Variants in SUMF1 observed in about 807,000 individuals in gnomAD.
The protein encoded by SUMF1 is formylglycine-generating enzyme.
In SUMF1, 48 loss-of-function variants were observed where a neutral mutation model predicts 47.6. The observed-to-expected ratio is 1.01, with a 90% CI of 0.80 to 1.28. The LOEUF (loss-of-function observed/expected upper bound fraction) is 1.28, where lower values mean the gene tolerates loss of function less well. Among genes scored for constraint, SUMF1 ranks in the 50% most tolerant of loss-of-function variants. SUMF1 has a pLI of 0.00. For missense variants in SUMF1, 571 were observed against 485.4 expected, an observed-to-expected ratio of 1.18 and a Z score of -1.66; for synonymous variants, 230 against 192.1, an observed-to-expected ratio of 1.20 and a Z score of -1.63.
chr3:4,391,742 A>G (rs558387729), intron 7 of SUMF1, among the ~76,000 whole-genome samples: 1 of 152,144 alleles, frequency 6.6e-6, no homozygotes, highest in East Asian at 1.9e-4. Context: ...CACAGCCTCC[A>G]AAAGTATTGG....
intron 8 of SUMF1, among the ~76,000 whole-genome samples, chr3:4,220,899 C>A (rs1696045646): frequency 6.6e-6 from 1 of 152,116 alleles, no homozygotes; most frequent in South Asian, 2.1e-4. Flanking sequence ...TTACTTGGTT[C>A]ATTTGAGTTC....
intron 8 of SUMF1, among the ~76,000 whole-genome samples, chr3:4,271,318 C>A (rs997443284): frequency 2.0e-5 from 3 of 152,144 alleles, no homozygotes; most frequent in African/African-American, 7.2e-5. Context: ...TTGGGCCAAC[C>A]ACTCCATGTC....
At chr3:4,133,212 T>C (rs1559498168) in intron 8 of SUMF1, among the ~76,000 whole-genome samples, 1 of 152,326 alleles carries the variant, frequency 6.6e-6, no homozygotes, top group South Asian at 2.1e-4. Context: ...CTTTATCATG[T>C]GACATAAGAT....
At chr3:4,042,240 A>G (rs1473959672) in intron 9 of SUMF1, among the ~76,000 whole-genome samples, 1 of 152,188 alleles carries the variant, frequency 6.6e-6, no homozygotes, top group African/African-American at 2.4e-5. Flanking sequence ...CATAAATACA[A>G]ATTAATGAGG....
intron 8 of SUMF1, among the ~76,000 whole-genome samples, chr3:4,092,995 A>G (rs1692821052): frequency 6.6e-6 from 1 of 152,110 alleles, no homozygotes; most frequent in African/African-American, 2.4e-5. Flanking sequence ...GTTTATAGAG[A>G]TAGAAATGAC....
chr3:4,378,849 G>A (rs146034460), intron 7 of SUMF1, among the ~76,000 whole-genome samples: 92 of 152,304 alleles, frequency 6.0e-4, no homozygotes, highest in Admixed American at 2.5e-3. Context: ...ATCTGCTAGC[G>A]TGCAATTTAG....
At chr3:4,129,165 T>C (rs1693727650) in intron 8 of SUMF1, among the ~76,000 whole-genome samples, 1 of 152,108 alleles carries the variant, frequency 6.6e-6, no homozygotes, top group Non-Finnish European at 1.5e-5. Context: ...TGCCCTTCTC[T>C]GCATGTCATA....
rs973609712 is a variant in SUMF1, at chr3:4,361,193, A to G, written c.*951T>C. ...TTCAACACAGTGCATGATTCAAAGC[A>G]TCGGATATTCCACAGCCAACAAGGT... is the stretch of plus-strand genomic sequence containing the variant. On this transcript the variant is annotated 3_prime_UTR_variant, in exon 9 of 9. Coordinates refer to ENST00000272902, the MANE Select transcript of SUMF1 (RefSeq NM_182760.4). 6.6e-6 allele frequency: 1 copy of G among 152,514 alleles called. No individual in the cohort carries two copies. Among genetic ancestry groups the G allele is most frequent in the Non-Finnish European group, 1.5e-5 (1 of 68,054 alleles). The allele number at this position is 152,514 out of a possible 1,614,324, so 9.4% of individuals were successfully genotyped here.
intron 7 of SUMF1, among the ~76,000 whole-genome samples, chr3:4,383,238 T>C (rs575465402): frequency 2.6e-5 from 4 of 152,090 alleles, no homozygotes; most frequent in South Asian, 4.2e-4. Context: ...AATTAGCCAG[T>C]CGTGGTGGTA....
At chr3:4,224,469 T>C (rs1335880519) in intron 8 of SUMF1, among the ~76,000 whole-genome samples, 1 of 152,038 alleles carries the variant, frequency 6.6e-6, no homozygotes, top group East Asian at 1.9e-4. Context: ...ATGTGCACCA[T>C]TACCCTCACC....
chr3:4,226,704 ACTCTATAAGCAGAGGAG>A lies in SUMF1; in HGVS notation c.1014+149609_1014+149625del, dbSNP rs1338760036. Among the ~76,000 whole-genome samples, 3 of 151,924 alleles carry A rather than the reference ACTCTATAAGCAGAGGAG, an allele frequency of 2.0e-5. No individual in the cohort carries two copies. In the East Asian group the frequency reaches 5.8e-4, roughly 29 times the overall value. Reference sequence around the variant, plus strand: ...GAGATAGTGTGAGCTGTACAAAGTTACTCTATAAGCAGAGGAGCTTCAATTCTAAACGAGACAACCTG... The same window carrying A: ...GAGATAGTGTGAGCTGTACAAAGTTACTTCAATTCTAAACGAGACAACCTG... On this transcript the variant is annotated intron_variant and NMD_transcript_variant, in intron 8 of 12. Coordinates refer to the SUMF1 transcript ENST00000448413.
intron 8 of SUMF1, among the ~76,000 whole-genome samples, chr3:4,109,717 C>T (rs1250278871): frequency 1.1e-4 from 17 of 152,076 alleles, no homozygotes; most frequent in African/African-American, 3.1e-4. Context: ...TTGATCGCAT[C>T]GGCTCCTGAG....
intron 9 of SUMF1, among the ~76,000 whole-genome samples, chr3:4,043,133 C>T (rs1024968943): frequency 6.6e-6 from 1 of 152,034 alleles, no homozygotes; most frequent in Non-Finnish European, 1.5e-5. Flanking sequence ...TCTACAACTT[C>T]GACTCTTATC....
chr3:4,225,188 A>C (rs1696147240), intron 8 of SUMF1, among the ~76,000 whole-genome samples: 1 of 152,132 alleles, frequency 6.6e-6, no homozygotes, highest in Non-Finnish European at 1.5e-5. Context: ...TGGCCACTGG[A>C]GATAGTTAAT....
intron 8 of SUMF1, among the ~76,000 whole-genome samples, chr3:4,220,250 G>C (rs138737588): frequency 1.3e-5 from 2 of 152,078 alleles, no homozygotes; most frequent in Admixed American, 6.6e-5. Flanking sequence ...CACTTCATAC[G>C]AGGGGATTTA....
At chr3:4,407,953 G>A (rs1701426794) in intron 7 of SUMF1, among the ~76,000 whole-genome samples, 1 of 152,214 alleles carries the variant, frequency 6.6e-6, no homozygotes, top group Non-Finnish European at 1.5e-5. Context: ...CCATTACAGG[G>A]ACTGAAGCTC....
chr3:4,054,709 C>A (rs913867646), intron 9 of SUMF1, among the ~76,000 whole-genome samples: 2 of 152,128 alleles, frequency 1.3e-5, no homozygotes, highest in African/African-American at 4.8e-5. Context: ...TCTCACTCAA[C>A]CTTCTTGACC....
At chr3:4,280,161 T>C (rs1048117069) in intron 8 of SUMF1, among the ~76,000 whole-genome samples, 2 of 152,176 alleles carry the variant, frequency 1.3e-5, no homozygotes, top group African/African-American at 4.8e-5. Flanking sequence ...CATTCCACAA[T>C]GTATACATAT....
At chr3:4,401,631 G>A (rs112732287) in intron 7 of SUMF1, among the ~76,000 whole-genome samples, 13 of 152,230 alleles carry the variant, frequency 8.5e-5, no homozygotes, top group South Asian at 2.1e-4. Context: ...AGGGCCCCAC[G>A]ACATTTTAAA....
Sources: allele counts gnomAD v4.1 joint callset (sites outside exome capture counted in the v4.1 genomes callset), GRCh38; gene constraint gnomAD v4.1.1; transcripts MANE v1.5; gene names NCBI Gene and HGNC (gene_info 2026-07-23, HGNC 2026-07-21).